The following MYO3B variants were observed in gnomAD, a reference collection of about 807,000 sequenced individuals.
MYO3B encodes myosin-IIIb.
MYO3B carries 156 observed loss-of-function variants against 174.6 expected under a neutral mutation model. The observed-to-expected ratio is 0.89, with a 90% confidence interval of 0.78 to 1.02. The LOEUF (loss-of-function observed/expected upper bound fraction) is 1.02, where lower values mean the gene tolerates loss of function less well. MYO3B is among the 50% of genes least tolerant of loss of function. The pLI, the probability that MYO3B is intolerant of heterozygous loss-of-function variation, is 0.00. For missense variants in MYO3B, 1,632 were observed against 1,639.4 expected, an observed-to-expected ratio of 1.00 and a Z score of 0.08; for synonymous variants, 563 against 569.1, an observed-to-expected ratio of 0.99 and a Z score of 0.15.
At chr2:170,613,579 A>G (rs1419062219) in intron 32 of MYO3B, among the ~76,000 whole-genome samples, 2 of 152,194 alleles carry the variant, frequency 1.3e-5, no homozygotes, top group Non-Finnish European at 2.9e-5. Context: ...GTTAATACTG[A>G]GTGTCAACTT....
chr2:170,633,052 G>A lies in MYO3B; in HGVS notation c.3734-18576G>A, dbSNP rs370737055. 1.5e-4 allele frequency among the ~76,000 whole-genome samples: 23 copies of A among 152,270 alleles called. 1 individual carries two copies. The highest frequency in any genetic ancestry group is 1.2e-3 in the East Asian group (6 of 5,180). On this transcript the variant is annotated intron_variant, in intron 32 of 34. Transcript: ENST00000408978. ...AATTCTACCAGAGGTACAAGGAGGA[G>A]CTGGTACCATTCCTTTTGAAACTAT...
intron 28 of MYO3B, among the ~76,000 whole-genome samples, chr2:170,513,438 T>C (rs1461458749): frequency 6.6e-6 from 1 of 152,218 alleles, no homozygotes; most frequent in Non-Finnish European, 1.5e-5. Flanking sequence ...TCAGTTTCCA[T>C]TGCCATATGC....
chr2:170,417,569 A>G (rs1238744066), intron 22 of MYO3B, among the ~76,000 whole-genome samples: 1 of 152,184 alleles, frequency 6.6e-6, no homozygotes, highest in Non-Finnish European at 1.5e-5. Context: ...CTACAAGTTC[A>G]AGATTCAGGT....
intron 32 of MYO3B, among the ~76,000 whole-genome samples, chr2:170,596,392 T>C (rs1339883329): frequency 6.6e-6 from 1 of 152,234 alleles, no homozygotes; most frequent in East Asian, 1.9e-4. Context: ...CCTGTTTGAC[T>C]GTTACCATTT....
In MYO3B at chr2:170,268,006, G is replaced by C. The variant is rs1221517189; in HGVS notation, c.749+31870G>C. ...GTGGATTACCTGAGGTCAGGAGTTC[G>C]AGACCAGCCTGGCGAACATGGTGAA... On this transcript the variant is annotated intron_variant, in intron 7 of 34. Coordinates refer to ENST00000408978, the MANE Select transcript of MYO3B (RefSeq NM_138995.5). Among the ~76,000 whole-genome samples the C allele has an allele frequency of 2.0e-5, 3 of 152,198 alleles. No individual in the cohort carries two copies. In the South Asian group the frequency reaches 6.2e-4, roughly 32 times the overall value.
intron 23 of MYO3B, among the ~76,000 whole-genome samples, chr2:170,452,724 A>T (rs1433938478): frequency 6.6e-6 from 1 of 152,232 alleles, no homozygotes; most frequent in African/African-American, 2.4e-5. Flanking sequence ...AAGAGACAGT[A>T]AACAGTTTCT....
chr2:170,391,512 T>C lies in MYO3B; in HGVS notation c.1578-8T>C, dbSNP rs774128277. ...ATATATTATTACTAAAGTCTCTTTT[T>C]TTTTCAGGAGAGAGAAAAATTTTCA... On this transcript the variant is annotated splice_region_variant and splice_polypyrimidine_tract_variant and intron_variant, in intron 14 of 34. Transcript: ENST00000408978. The C allele has an allele frequency of 1.5e-5, 20 of 1,350,546 alleles. 1 individual carries two copies. Among genetic ancestry groups the C allele is most frequent in the Middle Eastern group, 2.4e-4 (1 of 4,086 alleles). 83.7% of individuals were successfully genotyped at this position (1,350,546 alleles called of 1,614,324 possible).
At chr2:170,634,205 G>T (rs184455471) in intron 32 of MYO3B, among the ~76,000 whole-genome samples, 18 of 152,088 alleles carry the variant, frequency 1.2e-4, no homozygotes, top group South Asian at 8.3e-4. Context: ...TCACGCTACC[G>T]GACTTCAAAC....
rs528808969 is a variant in MYO3B at position 170,555,438 on chromosome 2, C to T, written c.3733+11450C>T. ...CCTTATTCCTCCCTCCCCACAAGCC[C>T]CTGGCAACCACTATTTGTTTTTTTA... On this transcript the variant is annotated intron_variant, in intron 32 of 34. Transcript: ENST00000408978. Among the ~76,000 whole-genome samples the T allele has an allele frequency of 5.9e-5, 9 of 152,284 alleles. No homozygotes were observed. In the South Asian group the frequency reaches 1.9e-3, roughly 32 times the overall value.
intron 25 of MYO3B, among the ~76,000 whole-genome samples, chr2:170,484,458 T>A (rs1405954069): frequency 6.6e-6 from 1 of 152,234 alleles, no homozygotes; most frequent in African/African-American, 2.4e-5. Flanking sequence ...TACAAATTAA[T>A]TTGAGTAAAT....
At chr2:170,268,825 C>T (rs1026469740) in intron 7 of MYO3B, among the ~76,000 whole-genome samples, 5 of 151,474 alleles carry the variant, frequency 3.3e-5, no homozygotes, top group African/African-American at 7.3e-5. Flanking sequence ...ATTGGCCACA[C>T]GAAAAGAAGA....
chr2:170,283,260 A>G (rs3856428), intron 7 of MYO3B, among the ~76,000 whole-genome samples: 128,336 of 152,084 alleles, frequency 0.84, 54,485 homozygotes, highest in East Asian at 0.96. Flanking sequence ...ATAGGAGCCT[A>G]AGGTGAGAAT....
chr2:170,648,345 T>G lies in MYO3B; in HGVS notation c.3734-3283T>G, dbSNP rs1575337893. On this transcript the variant is annotated intron_variant, in intron 32 of 34. Transcript: ENST00000408978. ...GCTATGCTAATTAATATGTTTTCAT[T>G]GAGGCCAGACATGGTGGCTCATGCC... 2.0e-5 allele frequency among the ~76,000 whole-genome samples: 3 copies of G among 152,174 alleles called. No individual in the cohort carries two copies. The East Asian group carries it at 5.8e-4, about 29-fold the overall frequency.
At chr2:170,382,779 G>C (rs1190846154) in intron 10 of MYO3B, 1 of 220,148 alleles carries the variant, frequency 4.5e-6, no homozygotes, top group African/African-American at 2.6e-5. Flanking sequence ...TTGACTGGTT[G>C]AGATGAGTTT....
At chr2:170,408,696 C>G (rs888067520) in intron 22 of MYO3B, 2 of 150,956 alleles carry the variant, frequency 1.3e-5, no homozygotes, top group Non-Finnish European at 2.9e-5. Flanking sequence ...CTTCCCACAT[C>G]CCTCTTAACT....
chr2:170,430,247 T>C (rs947062989), intron 22 of MYO3B, among the ~76,000 whole-genome samples: 1 of 152,084 alleles, frequency 6.6e-6, no homozygotes, highest in Non-Finnish European at 1.5e-5. Flanking sequence ...ATGAATAACA[T>C]GAGCATCATT....
chr2:170,385,643 T>C (rs1004332340), intron 12 of MYO3B, among the ~76,000 whole-genome samples: 1 of 152,174 alleles, frequency 6.6e-6, no homozygotes, highest in Admixed American at 6.5e-5. Context: ...CTTAAGCATA[T>C]GGAAGGAGGC....
chr2:170,269,375 A>G (rs1222694051), intron 7 of MYO3B, among the ~76,000 whole-genome samples: 1 of 152,106 alleles, frequency 6.6e-6, no homozygotes, highest in African/African-American at 2.4e-5. Context: ...CCACTTCAGA[A>G]CCTAAATCCC....
Position 170,536,206 on chromosome 2 carries a change from G to A in MYO3B, c.3576-6700G>A, listed in dbSNP as rs551851489. On this transcript the variant is annotated intron_variant, in intron 30 of 34. Transcript: ENST00000408978. Reference sequence around the variant, plus strand: ...CAAACAAATATGATCACATTTAAAGGGCTCAGTGGGATTTGAGAAATTAGC... The same window carrying A: ...CAAACAAATATGATCACATTTAAAGAGCTCAGTGGGATTTGAGAAATTAGC... Among the ~76,000 whole-genome samples, 16 of 152,242 alleles carry A rather than the reference G, an allele frequency of 1.1e-4. No individual in the cohort carries two copies. The East Asian group carries it at 2.9e-3, about 28-fold the overall frequency.
Sources: allele counts gnomAD v4.1 joint callset (sites outside exome capture counted in the v4.1 genomes callset), GRCh38; gene constraint gnomAD v4.1.1; transcripts MANE v1.5; gene names NCBI Gene and HGNC (gene_info 2026-07-23, HGNC 2026-07-21).